Variants in LRRTM4 observed in about 807,000 individuals in gnomAD.
LRRTM4 encodes the protein leucine-rich repeat transmembrane neuronal protein 4.
LRRTM4 carries 25 observed loss-of-function variants against 47.6 expected under a neutral mutation model. That is an observed-to-expected ratio of 0.53 (90% confidence interval 0.38 to 0.73). LRRTM4 has a LOEUF of 0.73. LRRTM4 is among the 30% of genes least tolerant of loss of function. LRRTM4 has a pLI of 0.00. For synonymous variants in LRRTM4, 311 were observed against 269.5 expected (o/e 1.15, Z -1.51); for missense variants, 638 against 713.4 (o/e 0.89, Z 1.20).
At chr2:77,080,477 A>G (rs2103853950) in intron 3 of LRRTM4, among the ~76,000 whole-genome samples, 1 of 152,286 alleles carries the variant, frequency 6.6e-6, no homozygotes, top group African/African-American at 2.4e-5. Context: ...TACCTTCTTG[A>G]CATCTACCCT....
intron 3 of LRRTM4, among the ~76,000 whole-genome samples, chr2:76,836,489 A>G (rs949863674): frequency 1.3e-5 from 2 of 151,656 alleles, no homozygotes; most frequent in South Asian, 2.1e-4. Context: ...TTTCTTTCAT[A>G]TATCTCTCTT....
In LRRTM4 at chr2:77,155,028, C is replaced by G. The variant is rs1672521989; in HGVS notation, c.1551+363290G>C. 2.0e-5 allele frequency among the ~76,000 whole-genome samples: 3 copies of G among 152,146 alleles called. No homozygotes were observed. The South Asian group carries it at 6.2e-4, about 32-fold the overall frequency. ...AGTATAAATCCACATAATAGGCACT[C>G]TAGGAATCTGTTAATAGTGATCATG... On this transcript the variant is annotated intron_variant, in intron 3 of 3. Transcript: ENST00000409884.
At chr2:76,751,843 G>T (rs1350754581) in intron 3 of LRRTM4, among the ~76,000 whole-genome samples, 1 of 152,064 alleles carries the variant, frequency 6.6e-6, no homozygotes, top group Non-Finnish European at 1.5e-5. Flanking sequence ...TTTCAAAAGG[G>T]ATTTCCTAAG....
At chr2:77,344,145 C>T (rs1265267093) in intron 3 of LRRTM4, among the ~76,000 whole-genome samples, 3 of 151,664 alleles carry the variant, frequency 2.0e-5, no homozygotes, top group Non-Finnish European at 4.4e-5. Flanking sequence ...CCTAGAATTC[C>T]ATAACATAAT....
chr2:77,122,263 T>A (rs1306204710), intron 3 of LRRTM4, among the ~76,000 whole-genome samples: 1 of 151,628 alleles, frequency 6.6e-6, no homozygotes, highest in Non-Finnish European at 1.5e-5. Context: ...ATGACCTTAG[T>A]GCAACATCAA....
intron 3 of LRRTM4, among the ~76,000 whole-genome samples, chr2:77,285,908 A>G (rs781577575): frequency 7.9e-5 from 12 of 152,184 alleles, no homozygotes; most frequent in Non-Finnish European, 1.2e-4. Context: ...AAAATGCTAT[A>G]TATCTAACCT....
rs568808292 is a variant in LRRTM4 at position 76,982,726 on chromosome 2, G to A, written c.1552-233810C>T. ...AGCCGAAGAGATGAAAGAGAGGCAG[G>A]TATAAACCAAATACCAGGATAATTA... is the stretch of plus-strand genomic sequence containing the variant. On this transcript the variant is annotated intron_variant, in intron 3 of 3. Coordinates refer to ENST00000409884, the MANE Select transcript of LRRTM4 (RefSeq NM_001134745.3). Among the ~76,000 whole-genome samples the A allele has an allele frequency of 9.2e-5, 14 of 152,070 alleles. No individual in the cohort carries two copies. The East Asian group carries it at 2.3e-3, about 25-fold the overall frequency.
At chr2:77,019,253 C>CCAAAAAAAAAA (rs1311647672) in intron 3 of LRRTM4, among the ~76,000 whole-genome samples, 1 of 80,564 alleles carries the variant, frequency 1.2e-5, no homozygotes, top group Non-Finnish European at 2.5e-5. Context: ...CACTGCTCTA[C>CCAAAAAAAAAA]AAAAAAAAAA....
intron 3 of LRRTM4, among the ~76,000 whole-genome samples, chr2:76,791,567 A>T (rs1674974521): frequency 6.6e-6 from 1 of 152,184 alleles, no homozygotes; most frequent in South Asian, 2.1e-4. Context: ...GAGAGCAATA[A>T]ATCTCATCCT....
intron 3 of LRRTM4, among the ~76,000 whole-genome samples, chr2:76,774,943 A>G (rs1673897350): frequency 1.3e-5 from 2 of 152,134 alleles, no homozygotes; most frequent in South Asian, 4.1e-4. Context: ...TGCTTCTTCT[A>G]TGTCTTCTTC....
chr2:77,083,029 A>G (rs1350290276), intron 3 of LRRTM4, among the ~76,000 whole-genome samples: 3 of 152,270 alleles, frequency 2.0e-5, no homozygotes, highest in Admixed American at 6.5e-5. Context: ...ATAACTTTTA[A>G]ATATATCAGT....
intron 3 of LRRTM4, among the ~76,000 whole-genome samples, chr2:77,107,113 G>C (rs1033431538): frequency 6.6e-6 from 1 of 151,936 alleles, no homozygotes; most frequent in Non-Finnish European, 1.5e-5. Context: ...CTAGATATAC[G>C]TGTCTATAAT....
In LRRTM4 at chr2:76,812,270, A is replaced by G. The variant is rs369841391; in HGVS notation, c.1552-63354T>C. Among the ~76,000 whole-genome samples, 5 of 152,178 alleles carry G rather than the reference A, an allele frequency of 3.3e-5. No homozygotes were observed. The East Asian group carries it at 9.7e-4, about 30-fold the overall frequency. On this transcript the variant is annotated intron_variant, in intron 3 of 3. Transcript: ENST00000409884. ...TTCTAGTCACTTAAACACCACATAAACTTCTTTGATGTTTAATTATATTAT... is the reference window on the plus strand; with the variant it reads ...TTCTAGTCACTTAAACACCACATAAGCTTCTTTGATGTTTAATTATATTAT...
chr2:76,769,353 A>T (rs970876178), intron 3 of LRRTM4, among the ~76,000 whole-genome samples: 1 of 152,154 alleles, frequency 6.6e-6, no homozygotes, highest in Non-Finnish European at 1.5e-5. Context: ...AATAAAATGA[A>T]GAAATTAATT....
At chr2:77,244,441 TATTATC>T (rs71381267) in intron 3 of LRRTM4, among the ~76,000 whole-genome samples, 449 of 152,324 alleles carry the variant, frequency 2.9e-3, no homozygotes, top group Non-Finnish European at 5.8e-3. Flanking sequence ...ATTCTAATGT[TATTATC>T]ATTAACAGGC....
rs184402578 is a variant in LRRTM4, at chr2:76,860,998, A to G, written c.1552-112082T>C. Among the ~76,000 whole-genome samples, 884 of 152,272 alleles carry G rather than the reference A, an allele frequency of 5.8e-3. 11 individuals carry two copies. Among genetic ancestry groups the G allele is most frequent in the African/African-American group, 0.02 (839 of 41,570 alleles). The stretch of plus-strand genomic sequence containing the variant: ...CAAAATCAAGGCAGTTGACTAAGAC[A>G]GTGATTAATCCAGTTTTTCTAGAGG... On this transcript the variant is annotated intron_variant, in intron 3 of 3. Coordinates refer to ENST00000409884, the MANE Select transcript of LRRTM4 (RefSeq NM_001134745.3).
chr2:76,811,288 A>G (rs1419387142), intron 3 of LRRTM4, among the ~76,000 whole-genome samples: 1 of 152,192 alleles, frequency 6.6e-6, no homozygotes, highest in Non-Finnish European at 1.5e-5. Flanking sequence ...AAAAATAAAC[A>G]TTAGCACCCT....
rs543050255 is a variant in LRRTM4 at position 77,520,000 on chromosome 2, G to C, written c.5-136C>G. On this transcript the variant is annotated intron_variant, in intron 2 of 3. Coordinates refer to ENST00000409884, the MANE Select transcript of LRRTM4 (RefSeq NM_001134745.3). This position sits in a 1 kb window ranked among gnomAD's most constrained non-coding sequence, Gnocchi z 4.6. ...TTTAAGGAAAATGCATTAACATTTC[G>C]AGCATTATTTTCTTCAGTGTTGCAT... is the stretch of plus-strand genomic sequence containing the variant. The C allele has an allele frequency of 2.2e-6, 3 of 1,376,264 alleles. No homozygotes were observed. The highest frequency in any genetic ancestry group is 1.9e-6 in the Non-Finnish European group (2 of 1,047,014). 85.3% of individuals were successfully genotyped at this position (1,376,264 alleles called of 1,614,324 possible). A position where few individuals can be genotyped will look rare whatever the true frequency, so the allele number is the denominator to read the frequency against.
Position 77,411,595 on chromosome 2 carries a change from G to A in LRRTM4, c.1551+106723C>T, listed in dbSNP as rs372993602. Reference sequence around the variant, plus strand: ...AGCCTCCTGAGTAGCTGAGACAACAGGCCCCCGCCACCATGCCCGGCTATT... The same window carrying A: ...AGCCTCCTGAGTAGCTGAGACAACAAGCCCCCGCCACCATGCCCGGCTATT... On this transcript the variant is annotated intron_variant, in intron 3 of 3. Coordinates refer to ENST00000409884, the MANE Select transcript of LRRTM4 (RefSeq NM_001134745.3). Among the ~76,000 whole-genome samples, 799 of 145,246 alleles carry A rather than the reference G, an allele frequency of 5.5e-3. 15 individuals carry two copies. The highest frequency in any genetic ancestry group is 0.019 in the African/African-American group (742 of 39,184).
Sources: allele counts gnomAD v4.1 joint callset (sites outside exome capture counted in the v4.1 genomes callset), GRCh38; gene constraint gnomAD v4.1.1; non-coding constraint Gnocchi (gnomAD v3.1); transcripts MANE v1.5; gene names NCBI Gene and HGNC (gene_info 2026-07-23, HGNC 2026-07-21).